The following CNTN5 variants were observed in gnomAD, a reference collection of about 807,000 sequenced individuals.
CNTN5 encodes contactin 5, also known as contactin-5.
In CNTN5, 77 loss-of-function variants were observed where a neutral mutation model predicts 129.1. That is an observed-to-expected ratio of 0.60 (90% CI 0.50 to 0.72). CNTN5 has a LOEUF of 0.72. Ranked by LOEUF, CNTN5 falls within the 30% of genes least tolerant of loss-of-function variation. The probability of loss-of-function intolerance (pLI) is 0.00; values close to 1 mark genes in which losing one functional copy is unlikely to be tolerated. For synonymous variants in CNTN5, 509 were observed against 465.6 expected, an observed-to-expected ratio of 1.09 and a Z score of -1.20; for missense variants, 1,478 against 1,328.8, an observed-to-expected ratio of 1.11 and a Z score of -1.75.
At chr11:99,454,375 A>G (rs1464801259) in intron 2 of CNTN5, among the ~76,000 whole-genome samples, 1 of 152,158 alleles carries the variant, frequency 6.6e-6, no homozygotes, top group East Asian at 1.9e-4. Context: ...AGTGGAGATA[A>G]TTGAATCATA....
At position 99,727,473 on chromosome 11, in the gene CNTN5, A is replaced by G. The variant is rs61911562; in HGVS notation, c.56-92071A>G. On this transcript the variant is annotated intron_variant, in intron 3 of 24. Coordinates refer to ENST00000524871, the MANE Select transcript of CNTN5 (RefSeq NM_014361.4). ...GCATGTCACAAACCCAAACCTTATC[A>G]CTAAATATAATTTTCATAGTTATTA... is the stretch of plus-strand genomic sequence containing the variant. Among the ~76,000 whole-genome samples the G allele has an allele frequency of 7.7e-3, 1,168 of 152,022 alleles. 10 individuals carry two copies. Among genetic ancestry groups the G allele is most frequent in the Non-Finnish European group, 0.012 (842 of 67,996 alleles).
At chr11:100,107,183 C>A (rs1038365377) in intron 13 of CNTN5, among the ~76,000 whole-genome samples, 1 of 152,116 alleles carries the variant, frequency 6.6e-6, no homozygotes, top group Non-Finnish European at 1.5e-5. Context: ...TTTTTCCTCA[C>A]TCCTGCCTTG....
At chr11:99,860,085 C>T (rs1046184957) in intron 6 of CNTN5, among the ~76,000 whole-genome samples, 5 of 152,142 alleles carry the variant, frequency 3.3e-5, no homozygotes, top group African/African-American at 1.2e-4. Flanking sequence ...TTGCATTTCT[C>T]TGATGATTAG....
chr11:100,277,302 T>G (rs1950535590), intron 18 of CNTN5, among the ~76,000 whole-genome samples: 2 of 152,192 alleles, frequency 1.3e-5, no homozygotes, highest in South Asian at 4.1e-4. Flanking sequence ...CAGATATCAC[T>G]TCAATAAACT....
intron 1 of CNTN5, among the ~76,000 whole-genome samples, chr11:99,108,581 A>G (rs1322977078): frequency 6.6e-6 from 1 of 152,182 alleles, no homozygotes; most frequent in Non-Finnish European, 1.5e-5. Flanking sequence ...AGAATTTCTA[A>G]TTGTATAAGC....
intron 1 of CNTN5, among the ~76,000 whole-genome samples, chr11:99,174,977 T>C (rs1857702539): frequency 6.6e-6 from 1 of 152,136 alleles, no homozygotes; most frequent in Non-Finnish European, 1.5e-5. Flanking sequence ...CTCATGCCTG[T>C]AATTCCAGTG....
intron 8 of CNTN5, among the ~76,000 whole-genome samples, chr11:99,962,843 C>T (rs1032128295): frequency 3.1e-4 from 47 of 151,234 alleles, no homozygotes; most frequent in African/African-American, 5.9e-4. Flanking sequence ...TTTTAATGAT[C>T]GCCATTCTAA....
rs1943465177 is a variant in CNTN5 at position 100,061,255 on chromosome 11, C to A, written c.1024C>A (p.Pro342Thr). Residue 342 changes from proline to threonine, a missense_variant, in exon 10 of 25, where the codon CCT becomes ACT. By Grantham distance (38) the Pro-to-Thr change is conservative (BLOSUM62 -1). Coordinates refer to ENST00000524871, the MANE Select transcript of CNTN5 (RefSeq NM_014361.4). ...ITWMKVNGYI[P>T]SKARLRKSQA... ...ATGGATGAAGGTTAATGGTTATATT[C>A]CTAGTAAGGCACGTCTGCGGAAATC... The A allele has an allele frequency of 6.2e-7, 1 of 1,613,480 alleles. No individual in the cohort carries two copies. The highest frequency in any genetic ancestry group is 2.2e-5 in the East Asian group (1 of 44,866).
intron 3 of CNTN5, among the ~76,000 whole-genome samples, chr11:99,562,247 CT>C (rs1948866752): frequency 6.6e-6 from 1 of 152,044 alleles, no homozygotes; most frequent in African/African-American, 2.4e-5. Context: ...CTTCCTTGCA[CT>C]TTTTTTTCCT....
At chr11:99,323,250 T>C (rs893998848) in intron 1 of CNTN5, among the ~76,000 whole-genome samples, 2 of 152,140 alleles carry the variant, frequency 1.3e-5, no homozygotes, top group African/African-American at 4.8e-5. Flanking sequence ...CATAAGTATA[T>C]GGTAGAAACT....
intron 6 of CNTN5, among the ~76,000 whole-genome samples, chr11:99,909,499 G>A (rs1949597842): frequency 2.0e-5 from 3 of 151,836 alleles, no homozygotes; most frequent in African/African-American, 7.3e-5. Flanking sequence ...CTGCTCTAAA[G>A]ACATATACAC....
chr11:99,209,624 C>T (rs1477814028), intron 1 of CNTN5, among the ~76,000 whole-genome samples: 2 of 152,088 alleles, frequency 1.3e-5, no homozygotes, highest in Admixed American at 6.5e-5. Flanking sequence ...TTGAAGAGAA[C>T]AAACATCAAA....
At chr11:99,739,010 G>A (rs7113463) in intron 3 of CNTN5, among the ~76,000 whole-genome samples, 23,403 of 152,008 alleles carry the variant, frequency 0.15, 1,874 homozygotes, top group Middle Eastern at 0.17. Context: ...AAATATAGAC[G>A]ATAGATTAAG....
chr11:99,178,979 T>A (rs1256753015), intron 1 of CNTN5, among the ~76,000 whole-genome samples: 6 of 152,020 alleles, frequency 3.9e-5, no homozygotes, highest in Admixed American at 3.9e-4. Context: ...TAAACATAAA[T>A]ACACACAGAG....
chr11:99,829,963 T>G (rs565890497), intron 4 of CNTN5, among the ~76,000 whole-genome samples: 1 of 152,256 alleles, frequency 6.6e-6, no homozygotes, highest in Admixed American at 6.5e-5. Context: ...TTCATCTGTT[T>G]TTATTGTTGT....
intron 6 of CNTN5, among the ~76,000 whole-genome samples, chr11:99,902,992 T>G (rs1398866868): frequency 6.6e-6 from 1 of 152,160 alleles, no homozygotes; most frequent in Non-Finnish European, 1.5e-5. Context: ...CTTCCAACGA[T>G]TTTTTAAATT....
intron 1 of CNTN5, among the ~76,000 whole-genome samples, chr11:99,201,862 C>G (rs1565399196): frequency 6.6e-6 from 1 of 152,170 alleles, no homozygotes; most frequent in Non-Finnish European, 1.5e-5. Flanking sequence ...CTGCCAACAC[C>G]TGGATTTTAT....
chr11:99,084,606 C>T (rs2135294499), intron 1 of CNTN5, among the ~76,000 whole-genome samples: 1 of 152,108 alleles, frequency 6.6e-6, no homozygotes, highest in South Asian at 2.1e-4. Context: ...TTTTTTGTTA[C>T]CTTCTACTTC....
At chr11:99,837,070 T>A (rs1947330294) in intron 4 of CNTN5, among the ~76,000 whole-genome samples, 1 of 152,144 alleles carries the variant, frequency 6.6e-6, no homozygotes, top group Non-Finnish European at 1.5e-5. Flanking sequence ...TATCTTGTGC[T>A]TACCTCCTGT....
Sources: allele counts gnomAD v4.1 joint callset (sites outside exome capture counted in the v4.1 genomes callset), GRCh38; gene constraint gnomAD v4.1.1; transcripts MANE v1.5; gene names NCBI Gene and HGNC (gene_info 2026-07-23, HGNC 2026-07-21).